ZBTB7A: variants seen among roughly 807,000 people sequenced by gnomAD.
ZBTB7A encodes zinc finger and BTB domain-containing protein 7A.
Under a neutral mutation model 26.7 loss-of-function variants are expected in ZBTB7A, and 7 were observed. The ratio of observed to expected loss-of-function variants is 0.26; its 90% confidence interval spans 0.15 to 0.49. ZBTB7A has a LOEUF of 0.49. Ranked by LOEUF, ZBTB7A falls within the 20% of genes least tolerant of loss-of-function variation. The pLI is 0.98. For synonymous variants in ZBTB7A, 452 were observed against 441.0 expected (o/e 1.02, Z -0.31); for missense variants, 617 against 919.5 (o/e 0.67, Z 4.25).
chr19:4,058,832 T>G (rs935954085), intron 1 of ZBTB7A, among the ~76,000 whole-genome samples: 1 of 152,140 alleles, frequency 6.6e-6, no homozygotes, highest in Non-Finnish European at 1.5e-5. Flanking sequence ...CAGAGGCCTT[T>G]GTGAGCTTGC....
In ZBTB7A at chr19:4,051,871, C is replaced by T. The variant is rs562393477; in HGVS notation, c.1262+2100G>A. On this transcript the variant is annotated intron_variant, in intron 2 of 2. Transcript: ENST00000322357. ...GGGCCACGCAGAGGCGGGGTGGGGG[C>T]GGAGGTATCCCTAGTTTCATCACCC... Among the ~76,000 whole-genome samples, 7 of 151,960 alleles carry T rather than the reference C, an allele frequency of 4.6e-5. No homozygotes were observed. The East Asian group carries it at 5.8e-4, about 13-fold the overall frequency.
intron 2 of ZBTB7A, among the ~76,000 whole-genome samples, chr19:4,050,280 T>G (rs4807539): frequency 6.6e-6 from 1 of 150,964 alleles, no homozygotes; most frequent in Non-Finnish European, 1.5e-5. Context: ...GGGCTGGTCT[T>G]GAACTCCTGA....
intron 2 of ZBTB7A, 51 bp downstream of exon 2, chr19:4,053,920 G>A (rs1294542622): frequency 2.0e-6 from 3 of 1,534,014 alleles, no homozygotes; most frequent in African/African-American, 1.4e-5. Context: ...GTGAGCGGCG[G>A]ATGCTGGGGC....
At chr19:4,062,677 G>C (rs1431033342) in intron 1 of ZBTB7A, 1 of 152,212 alleles carries the variant, frequency 6.6e-6, no homozygotes, top group African/African-American at 2.4e-5. Context: ...AGGAAGGACG[G>C]CTTATCCTCA....
chr19:4,063,177 C>T (rs558348407), intron 1 of ZBTB7A, among the ~76,000 whole-genome samples: 11 of 152,284 alleles, frequency 7.2e-5, no homozygotes, highest in African/African-American at 2.4e-4. Context: ...TGGGAGTTTC[C>T]GCCGCGGAGG....
chr19:4,053,572 C>T (rs187808453), intron 2 of ZBTB7A, among the ~76,000 whole-genome samples: 28 of 139,960 alleles, frequency 2.0e-4, no homozygotes, highest in Non-Finnish European at 3.7e-4. Flanking sequence ...TGTGTGTGCG[C>T]GCATGTCGGT....
rs1430302965 is a variant in ZBTB7A, at chr19:4,046,182, G to A, written c.*1570C>T. The A allele has an allele frequency of 5.0e-5, 20 of 397,484 alleles. No homozygotes were observed. Among genetic ancestry groups the A allele is most frequent in the Non-Finnish European group, 8.0e-5 (18 of 225,624 alleles). The allele number at this position is 397,484 out of a possible 1,614,324, so 24.6% of individuals were successfully genotyped here. ...AGGGGACAGAAAGGGGGAGCGGGGG[G>A]AACACAGCACGAACACCCCACAGTC... On this transcript the variant is annotated 3_prime_UTR_variant, in exon 3 of 3. Coordinates refer to ENST00000322357, the MANE Select transcript of ZBTB7A (RefSeq NM_015898.4).
Position 4,044,198 on chromosome 19 carries a change from C to G in ZBTB7A, c.*3554G>C, listed in dbSNP as rs1026526786. On this transcript the variant is annotated 3_prime_UTR_variant, in exon 3 of 3. Coordinates refer to ENST00000322357, the MANE Select transcript of ZBTB7A (RefSeq NM_015898.4). ...CCCTGGAAGAGGCTGGGGGACCCCCCTCGGAAGGAAGCAAAAAGACAGTGA... is the reference window on the plus strand; with the variant it reads ...CCCTGGAAGAGGCTGGGGGACCCCCGTCGGAAGGAAGCAAAAAGACAGTGA... Among the ~76,000 whole-genome samples, 3 of 151,996 alleles carry G rather than the reference C, an allele frequency of 2.0e-5. No homozygotes were observed. The highest frequency in any genetic ancestry group is 2.9e-5 in the Non-Finnish European group (2 of 67,984).
chr19:4,045,666 A>G lies in ZBTB7A; in HGVS notation c.*2086T>C. Reference sequence around the variant, plus strand: ...ACCCCCCCGCCGGTTGGGCATTGACAAGAAGTCTCAGTGCAGCAGAGCGTC... The same window carrying G: ...ACCCCCCCGCCGGTTGGGCATTGACGAGAAGTCTCAGTGCAGCAGAGCGTC... On this transcript the variant is annotated 3_prime_UTR_variant, in exon 3 of 3. Transcript: ENST00000322357. The surrounding 1 kb of genome is among the most constrained non-coding windows in gnomAD (Gnocchi z 4.1). The G allele has an allele frequency of 2.7e-6, 1 of 376,642 alleles. No individual in the cohort carries two copies. Among genetic ancestry groups the G allele is most frequent in the East Asian group, 3.9e-5 (1 of 25,838 alleles). The allele number at this position is 376,642 out of a possible 1,614,324, so 23.3% of individuals were successfully genotyped here. A position where few individuals can be genotyped will look rare whatever the true frequency, so the allele number is the denominator to read the frequency against.
chr19:4,065,582 T>TG (rs919276226), intron 1 of ZBTB7A: 16 of 144,202 alleles, frequency 1.1e-4, no homozygotes, highest in South Asian at 2.1e-4. Context: ...CCACCCGGGC[T>TG]GGGGGGAGGG....
rs1046137529 is a variant in ZBTB7A, at chr19:4,043,849, C to A, written c.*3903G>T. Among the ~76,000 whole-genome samples the A allele has an allele frequency of 7.5e-4, 108 of 144,428 alleles. 2 individuals are homozygous for A. The highest frequency in any genetic ancestry group is 1.3e-3 in the Non-Finnish European group (81 of 64,146). The allele number at this position is 144,428 out of a possible 152,430, so 94.8% of individuals were successfully genotyped here. On this transcript the variant is annotated 3_prime_UTR_variant, in exon 3 of 3. Transcript: ENST00000322357. ...TCCTGCGCCAGCCACCCACCACCCC[C>A]CCCCCCCCACCTCCAGGAAGGCTGC...
chr19:4,048,429 C>T lies in ZBTB7A; in HGVS notation c.1263-185G>A, dbSNP rs2040452736. Reference sequence around the variant, plus strand: ...AAAACGAGACGAGTGGGGGCGATTTCGCATTCTGAACATCTAAAGAGGGCC... The same window carrying T: ...AAAACGAGACGAGTGGGGGCGATTTTGCATTCTGAACATCTAAAGAGGGCC... On this transcript the variant is annotated intron_variant, in intron 2 of 2. Coordinates refer to ENST00000322357, the MANE Select transcript of ZBTB7A (RefSeq NM_015898.4). This position sits in a 1 kb window ranked among gnomAD's most constrained non-coding sequence, Gnocchi z 6.7. Among the ~76,000 whole-genome samples the T allele has an allele frequency of 6.6e-6, 1 of 152,208 alleles. No homozygotes were observed. Among genetic ancestry groups the T allele is most frequent in the Non-Finnish European group, 1.5e-5 (1 of 68,036 alleles).
intron 2 of ZBTB7A, among the ~76,000 whole-genome samples, chr19:4,050,379 T>C (rs752933703): frequency 2.1e-4 from 32 of 152,202 alleles, no homozygotes; most frequent in Non-Finnish European, 3.7e-4. Flanking sequence ...TTGTTTCTGT[T>C]GATTTCCTTG....
chr19:4,065,086 G>A (rs1260307368), intron 1 of ZBTB7A, among the ~76,000 whole-genome samples: 1 of 151,718 alleles, frequency 6.6e-6, no homozygotes, highest in Admixed American at 6.5e-5. Flanking sequence ...GCGGGAGGGA[G>A]GGGGCTGGAT....
Position 4,055,257 on chromosome 19 carries a change from TG to T in ZBTB7A, c.-15-11del, listed in dbSNP as rs1315810058. 8 of 1,462,466 alleles carry T rather than the reference TG, an allele frequency of 5.5e-6. No individual in the cohort carries two copies. Among genetic ancestry groups the T allele is most frequent in the Non-Finnish European group, 7.2e-6 (8 of 1,108,302 alleles). 90.6% of individuals were successfully genotyped at this position (1,462,466 alleles called of 1,614,324 possible). A position where few individuals can be genotyped will look rare whatever the true frequency, so the allele number is the denominator to read the frequency against. On this transcript the variant is annotated splice_polypyrimidine_tract_variant and intron_variant, in intron 1 of 2. Transcript: ENST00000322357. ...TCTTCCGCGCCGAGACCTGCAGCAG[TG>T]GGGAAGGAGAGGGCGCTCGTGAGTG...
intron 1 of ZBTB7A, among the ~76,000 whole-genome samples, chr19:4,058,465 T>C (rs1452192273): frequency 6.6e-6 from 1 of 150,952 alleles, no homozygotes; most frequent in Non-Finnish European, 1.5e-5. Context: ...TCCCCTCGGC[T>C]GTGACTCATC....
intron 1 of ZBTB7A, chr19:4,065,881 G>C (rs1401227201): frequency 1.4e-5 from 2 of 143,564 alleles, no homozygotes; most frequent in African/African-American, 5.0e-5. Flanking sequence ...CCCCCGGCGA[G>C]GGGAGCCCGG....
Position 4,047,937 on chromosome 19 carries a change from G to A in ZBTB7A, c.1570C>T (p.Pro524Ser). The change falls in exon 3 of 3, where the codon CCC (proline) becomes TCC (serine). Residue 524 changes from proline to serine, a missense_variant. Coordinates refer to ENST00000322357, the MANE Select transcript of ZBTB7A (RefSeq NM_015898.4). ...TTGCGCCGGGCGTCGGGGGAGCTGGGCTGGGCGGGGGCGCCGGGGGTCGCG... is the reference window on the plus strand; with the variant it reads ...TTGCGCCGGGCGTCGGGGGAGCTGGACTGGGCGGGGGCGCCGGGGGTCGCG... ...ATATPGAPAQ[P>S]SSPDARRNGQ... 2 of 1,439,860 alleles carry A rather than the reference G, an allele frequency of 1.4e-6. No homozygotes were observed. Among genetic ancestry groups the A allele is most frequent in the East Asian group, 5.9e-5 (2 of 34,012 alleles). The allele number at this position is 1,439,860 out of a possible 1,614,324, so 89.2% of individuals were successfully genotyped here.
At position 4,043,823 on chromosome 19, in the gene ZBTB7A, G is replaced by A. The variant is rs1330054642; in HGVS notation, c.*3929C>T. On this transcript the variant is annotated 3_prime_UTR_variant, in exon 3 of 3. Transcript: ENST00000322357. Reference sequence around the variant, plus strand: ...CCCCCAGCCTCCAGGCCCCTGACCCGTCCTGCGCCAGCCACCCACCACCCC... The same window carrying A: ...CCCCCAGCCTCCAGGCCCCTGACCCATCCTGCGCCAGCCACCCACCACCCC... 4.2e-5 allele frequency among the ~76,000 whole-genome samples: 4 copies of A among 95,634 alleles called. No homozygotes were observed. The highest frequency in any genetic ancestry group is 1.2e-4 in the African/African-American group (3 of 24,114). The allele number at this position is 95,634 out of a possible 152,430, so 62.7% of individuals were successfully genotyped here.
Sources: gnomAD v4.1 joint callset for allele counts (sites outside exome capture counted in the v4.1 genomes callset) on GRCh38, gnomAD v4.1.1 for gene constraint, Gnocchi (gnomAD v3.1) non-coding constraint, MANE v1.5 for transcripts, NCBI Gene and HGNC (gene_info 2026-07-23, HGNC 2026-07-21) for gene names.